Variants in TEX46 observed in about 807,000 individuals in gnomAD.
TEX46 encodes testis-expressed protein 46.
Under a neutral mutation model 5.3 loss-of-function variants are expected in TEX46, and 6 were observed. That is an observed-to-expected ratio of 1.13 (90% CI 0.62 to 2.23). TEX46 has a LOEUF of 2.23. Ranked by LOEUF, TEX46 falls within the 30% of genes most tolerant of loss-of-function variation. The pLI is 0.00. For synonymous variants in TEX46, 41 were observed against 54.6 expected, an observed-to-expected ratio of 0.75 and a Z score of 1.10; for missense variants, 131 against 150.9, an observed-to-expected ratio of 0.87 and a Z score of 0.69.
chr1:23,015,484 G>A (rs1569578421), intron 1 of TEX46, among the ~76,000 whole-genome samples: 2 of 115,818 alleles, frequency 1.7e-5, no homozygotes, highest in African/African-American at 6.6e-5. Context: ...CATTGCTATA[G>A]TAATTCCACT....
At chr1:23,014,165 GCTCC>G in intron 1 of TEX46, 120 bp from the exon 2 acceptor site, 2 of 1,408,806 alleles carry the variant, frequency 1.4e-6, no homozygotes, top group Non-Finnish European at 1.8e-6. Context: ...GTCATAGCCA[GCTCC>G]CTCCCCCCAC....
At chr1:23,011,160 T>A in intron 2 of TEX46, 59 bp from the exon 3 acceptor site, 1 of 1,371,310 alleles carries the variant, frequency 7.3e-7, no homozygotes, top group Non-Finnish European at 1.0e-6. Context: ...GGCCTTGCTG[T>A]TCTTGGAGTC....
chr1:23,013,519 A>G (rs1044492689), intron 2 of TEX46, among the ~76,000 whole-genome samples: 5 of 152,124 alleles, frequency 3.3e-5, no homozygotes, highest in Non-Finnish European at 5.9e-5. Flanking sequence ...ATCTATGTAC[A>G]TTTCTGCTGT....
rs993020906 is a variant in TEX46, at chr1:23,015,814, G to A, written c.-41C>T. On this transcript the variant is annotated 5_prime_UTR_variant, in exon 1 of 3. Coordinates refer to ENST00000566855, the MANE Select transcript of TEX46 (RefSeq NM_001242521.2). ...GTCAAATTCATAGAGGCAAAGAGTA[G>A]AATGGTGGCTGCCAGGGTCTGGAAG... The A allele has an allele frequency of 3.0e-5, 21 of 696,342 alleles. No individual in the cohort carries two copies. Among genetic ancestry groups the A allele is most frequent in the Non-Finnish European group, 5.2e-5 (20 of 381,942 alleles). The allele number at this position is 696,342 out of a possible 1,614,324, so 43.1% of individuals were successfully genotyped here. A position where few individuals can be genotyped will look rare whatever the true frequency, so the allele number is the denominator to read the frequency against.
chr1:23,011,140 T>C, intron 2 of TEX46, 39 bp from the exon 3 acceptor site: 1 of 1,488,760 alleles, frequency 6.7e-7, no homozygotes, highest in South Asian at 1.2e-5. Flanking sequence ...TTGACTTCTT[T>C]TGTGTTCACG....
At chr1:23,014,271 T>C (rs912210252) in intron 1 of TEX46, 11 of 352,764 alleles carry the variant, frequency 3.1e-5, no homozygotes, top group Admixed American at 1.9e-4. Context: ...GAAAGCATTA[T>C]CTCATGATGT....
chr1:23,012,804 C>G (rs1641371484), intron 2 of TEX46, among the ~76,000 whole-genome samples: 1 of 151,756 alleles, frequency 6.6e-6, no homozygotes, highest in Admixed American at 6.6e-5. Context: ...AAGGTTGAGG[C>G]ATCCTGCCTT....
At chr1:23,014,070 AGCATTATG>A in intron 1 of TEX46, 25 bp from the exon 2 acceptor site, 1 of 1,532,712 alleles carries the variant, frequency 6.5e-7, no homozygotes, top group Non-Finnish European at 8.7e-7. Context: ...CAGTTCTGCC[AGCATTATG>A]GCGTGGAGGC....
intron 2 of TEX46, among the ~76,000 whole-genome samples, chr1:23,013,427 C>T (rs1208524887): frequency 1.3e-5 from 2 of 152,168 alleles, no homozygotes; most frequent in African/African-American, 4.8e-5. Context: ...CCTGCCTCGG[C>T]CTCCCAAAGT....
intron 2 of TEX46, 135 bp from the exon 3 acceptor site, chr1:23,011,236 T>C (rs1258199642): frequency 1.5e-6 from 1 of 646,864 alleles, no homozygotes; most frequent in East Asian, 2.7e-5. Context: ...AAGGGGAAAG[T>C]TGGTTAATAA....
chr1:23,011,427 T>C (rs987648425), intron 2 of TEX46, among the ~76,000 whole-genome samples: 2 of 150,986 alleles, frequency 1.3e-5, no homozygotes, highest in African/African-American at 4.9e-5. Context: ...AGTTTCACTC[T>C]TGTTGCCCAG....
intron 2 of TEX46, 192 bp from the exon 3 acceptor site, chr1:23,011,293 T>C: frequency 1.8e-6 from 1 of 548,624 alleles, no homozygotes; most frequent in Non-Finnish European, 3.3e-6. Context: ...CCAGGTGGTT[T>C]ACAAACATTA....
Position 23,013,967 on chromosome 1 carries a change from C to G in TEX46, c.81G>C (p.Leu27Phe). 1 of 1,536,094 alleles carries G rather than the reference C, an allele frequency of 6.5e-7. No individual in the cohort carries two copies. The change falls in exon 2 of 3, where the codon TTG (leucine) becomes TTC (phenylalanine). Residue 27 changes from leucine to phenylalanine, a missense_variant. By Grantham distance (22) the Leu-to-Phe change is conservative (BLOSUM62 0). Coordinates refer to ENST00000566855, the MANE Select transcript of TEX46 (RefSeq NM_001242521.2). Reference protein sequence around the residue: ...AAWLMSYKPALFGFLFLLLLL... With the variant: ...AAWLMSYKPAFFGFLFLLLLL... ...ACAGCAGAAGGAATAGGAACCCAAA[C>G]AAGGCTGGCTTATAGCTCATCAGCC...
intron 2 of TEX46, among the ~76,000 whole-genome samples, chr1:23,013,645 T>G (rs1287744911): frequency 6.6e-6 from 1 of 152,150 alleles, no homozygotes; most frequent in Non-Finnish European, 1.5e-5. Flanking sequence ...AAACATGAAA[T>G]AGGAGAGTCT....
intron 2 of TEX46, among the ~76,000 whole-genome samples, chr1:23,012,966 G>T (rs1641374087): frequency 6.6e-6 from 1 of 151,152 alleles, no homozygotes; most frequent in African/African-American, 2.4e-5. Context: ...TCGGGCTCAG[G>T]TGATTCTCCC....
chr1:23,011,350 C>A (rs566243825), intron 2 of TEX46: 5 of 410,048 alleles, frequency 1.2e-5, no homozygotes, highest in Admixed American at 3.8e-5. Flanking sequence ...ATCATTGCCT[C>A]ATTTTGTGGA....
At position 23,014,010 on chromosome 1, in the gene TEX46, A is replaced by G. The variant is rs776199479; in HGVS notation, c.38T>C (p.Ile13Thr). 1.6e-5 allele frequency: 25 copies of G among 1,535,938 alleles called. No homozygotes were observed. The South Asian group carries it at 2.5e-4, about 15-fold the overall frequency. The change falls in exon 2 of 3, where the codon ATA becomes ACA. Residue 13 changes from isoleucine (I) to threonine (T), a missense_variant. Physicochemically the swap from Ile to Thr is moderately conservative, Grantham distance 89. Transcript: ENST00000566855. ...LHGILASAGT[I>T]GAVAAWLMSY... is the part of the protein sequence containing the mutation. ...CATCAGCCAAGCTGCCACTGCTCCT[A>G]TGGTGCCTGCGGAGGCAAGTATCCC...
intron 2 of TEX46, 122 bp downstream of exon 2, chr1:23,013,761 C>CTA: frequency 1.1e-6 from 1 of 886,374 alleles, no homozygotes; most frequent in Non-Finnish European, 1.7e-6. Context: ...GTGGTTTAGA[C>CTA]CAGTCTTGGA....
chr1:23,012,265 C>A (rs1040454632), intron 2 of TEX46, among the ~76,000 whole-genome samples: 4 of 151,830 alleles, frequency 2.6e-5, no homozygotes, highest in African/African-American at 9.7e-5. Context: ...ATCACCTGAT[C>A]CCAGGGAGGT....
Sources: gnomAD v4.1 joint callset for allele counts (sites outside exome capture counted in the v4.1 genomes callset) on GRCh38, gnomAD v4.1.1 for gene constraint, MANE v1.5 for transcripts, NCBI Gene and HGNC (gene_info 2026-07-23, HGNC 2026-07-21) for gene names.